The following NCAPG variants were observed in gnomAD, a reference collection of about 807,000 sequenced individuals.
NCAPG encodes the protein condensin complex subunit 3.
NCAPG carries 69 observed loss-of-function variants against 113.1 expected under a neutral mutation model. The ratio of observed to expected loss-of-function variants is 0.61; its 90% confidence interval spans 0.50 to 0.75. NCAPG has a LOEUF of 0.75. Among genes scored for constraint, NCAPG ranks in the 30% least tolerant of loss-of-function variants. The pLI is 0.00. For missense variants in NCAPG, 1,058 were observed against 1,177.0 expected, an observed-to-expected ratio of 0.90 and a Z score of 1.48; for synonymous variants, 370 against 415.8, an observed-to-expected ratio of 0.89 and a Z score of 1.34.
At chr4:17,830,341 C>T (rs1173838596) in intron 12 of NCAPG, among the ~76,000 whole-genome samples, 2 of 150,790 alleles carry the variant, frequency 1.3e-5, no homozygotes, top group Non-Finnish European at 3.0e-5. Flanking sequence ...TGCAGTGAGC[C>T]GAGATTGCGC....
At chr4:17,813,836 A>G (rs1168206983) in intron 3 of NCAPG, among the ~76,000 whole-genome samples, 1 of 152,092 alleles carries the variant, frequency 6.6e-6, no homozygotes, top group East Asian at 1.9e-4. Context: ...TTTTCCATAT[A>G]TGCCTAGGTA....
chr4:17,814,921 C>T lies in NCAPG; in HGVS notation c.613C>T (p.Pro205Ser), dbSNP rs550069958. ...VRRAVLSCIAPSAKTLPKIVG... is the reference protein window; with the variant it reads ...VRRAVLSCIASSAKTLPKIVG... ...ACGGGCAGTGTTATCATGTATTGCA[C>T]CATCAGCAAAGACTTTGCCAAAAAT... The change falls in exon 4 of 21, where the codon CCA becomes TCA. Residue 205 changes from proline (P) to serine (S), a missense_variant. Coordinates refer to ENST00000251496, the MANE Select transcript of NCAPG (RefSeq NM_022346.5). 3 of 1,614,124 alleles carry T rather than the reference C, an allele frequency of 1.9e-6. No homozygotes were observed. Among genetic ancestry groups the T allele is most frequent in the Non-Finnish European group, 2.5e-6 (3 of 1,180,008 alleles).
At chr4:17,830,383 ACT>A (rs1721813661) in intron 12 of NCAPG, among the ~76,000 whole-genome samples, 2 of 151,162 alleles carry the variant, frequency 1.3e-5, no homozygotes, top group African/African-American at 4.9e-5. Context: ...ACAGCGTGAG[ACT>A]CTGTCTCAAA....
At chr4:17,833,639 T>C (rs1721967475) in intron 13 of NCAPG, among the ~76,000 whole-genome samples, 1 of 151,768 alleles carries the variant, frequency 6.6e-6, no homozygotes, top group Non-Finnish European at 1.5e-5. Flanking sequence ...TATATATTTT[T>C]TGTAATATAA....
Position 17,811,086 on chromosome 4 carries a change from G to T in NCAPG, c.9G>T (p.Ala3=). The T allele has an allele frequency of 2.6e-6, 4 of 1,517,590 alleles. No individual in the cohort carries two copies. The highest frequency in any genetic ancestry group is 3.5e-6 in the Non-Finnish European group (4 of 1,131,310). 94.0% of individuals were successfully genotyped at this position (1,517,590 alleles called of 1,614,324 possible). Reference sequence around the variant, plus strand: ...GGCAGGGTTCCAGAGCCATGGGAGCGGAAAGGAGGCTGCTGTCGATTAAGG... The same window carrying T: ...GGCAGGGTTCCAGAGCCATGGGAGCTGAAAGGAGGCTGCTGTCGATTAAGG... MG[A]ERRLLSIKEA... The change falls in exon 1 of 21, where the codon GCG becomes GCT. Residue 3 remains alanine (A), a synonymous_variant. Coordinates refer to ENST00000251496, the MANE Select transcript of NCAPG (RefSeq NM_022346.5). This position sits in a 1 kb window ranked among gnomAD's most constrained non-coding sequence, Gnocchi z 5.3.
At chr4:17,832,848 G>A (rs1721917711) in intron 13 of NCAPG, among the ~76,000 whole-genome samples, 1 of 152,084 alleles carries the variant, frequency 6.6e-6, no homozygotes, top group African/African-American at 2.4e-5. Flanking sequence ...AGCAAGTGAA[G>A]ATAATATTTT....
rs932939269 is a variant in NCAPG at position 17,822,212 on chromosome 4, G to C, written c.1119-771G>C. 3.0e-4 allele frequency among the ~76,000 whole-genome samples: 9 copies of C among 29,582 alleles called. No individual in the cohort carries two copies. The Admixed American group carries it at 3.7e-3, about 12-fold the overall frequency. 19.4% of individuals were successfully genotyped at this position (29,582 alleles called of 152,430 possible). A position where few individuals can be genotyped will look rare whatever the true frequency, so the allele number is the denominator to read the frequency against. Reference sequence around the variant, plus strand: ...AATCTTTTTTTTTTTTTTTTTTTTTGAGATGGAGTTTTTCTCTGTCACCCA... The same window carrying C: ...AATCTTTTTTTTTTTTTTTTTTTTTCAGATGGAGTTTTTCTCTGTCACCCA... On this transcript the variant is annotated intron_variant, in intron 7 of 20. Transcript: ENST00000251496.
intron 6 of NCAPG, 103 bp from the exon 7 acceptor site, chr4:17,817,836 G>A (rs1721277105): frequency 1.8e-6 from 2 of 1,140,598 alleles, no homozygotes; most frequent in Non-Finnish European, 2.4e-6. Context: ...AAAGGATAGT[G>A]TAGTGGTTTT....
rs751927013 is a variant in NCAPG at position 17,840,021 on chromosome 4, G to C, written c.2629-50G>C. ...GATATGTATTGGTACTATTTTCAAAGATTAGGGAATGCGGTGTTTACAAAA... is the reference window on the plus strand; with the variant it reads ...GATATGTATTGGTACTATTTTCAAACATTAGGGAATGCGGTGTTTACAAAA... On this transcript the variant is annotated intron_variant, in intron 17 of 20. Transcript: ENST00000251496. 6.4e-5 allele frequency: 100 copies of C among 1,557,570 alleles called. 1 individual carries two copies. The highest frequency in any genetic ancestry group is 3.4e-4 in the Middle Eastern group (2 of 5,806).
chr4:17,830,929 A>G, intron 12 of NCAPG, 68 bp from the exon 13 acceptor site: 2 of 1,483,114 alleles, frequency 1.3e-6, no homozygotes, highest in Non-Finnish European at 9.2e-7. Context: ...GACACCTTTG[A>G]GGTAATAGAC....
At chr4:17,838,660 T>G (rs970894025) in intron 16 of NCAPG, among the ~76,000 whole-genome samples, 1 of 152,182 alleles carries the variant, frequency 6.6e-6, no homozygotes, top group Non-Finnish European at 1.5e-5. Flanking sequence ...ATTGGGGAAC[T>G]GTAGAAAGAT....
intron 7 of NCAPG, among the ~76,000 whole-genome samples, chr4:17,818,764 C>T (rs998035013): frequency 2.0e-5 from 3 of 151,982 alleles, no homozygotes; most frequent in African/African-American, 7.2e-5. Flanking sequence ...TCAAAATATG[C>T]CTTTTTAAAA....
At chr4:17,824,295 A>AT (rs1464384350) in intron 9 of NCAPG, among the ~76,000 whole-genome samples, 1 of 152,064 alleles carries the variant, frequency 6.6e-6, no homozygotes, top group African/African-American at 2.4e-5. Flanking sequence ...TTTCAGTGTT[A>AT]TTTTTTTCTG....
chr4:17,843,371 AC>A lies in NCAPG; in HGVS notation c.2995del (p.Leu999Ter). On this transcript the variant is annotated frameshift_variant, in exon 21 of 21. Coordinates refer to ENST00000251496, the MANE Select transcript of NCAPG (RefSeq NM_022346.5). LOFTEE classifies it high-confidence loss of function. ...TACCAAGACGAGCCAAAACCGCAGCACTAGAAAAAAGTAAACTTAACCTTGC... is the reference window on the plus strand; with the variant it reads ...TACCAAGACGAGCCAAAACCGCAGCATAGAAAAAAGTAAACTTAACCTTGC... Reference protein sequence around the residue: ...RLPRRAKTAALEKSKLNLAQF... With the variant: ...RLPRRAKTAAXEKSKLNLAQF... 6.2e-7 allele frequency: 1 copy of A among 1,612,210 alleles called. No homozygotes were observed. The highest frequency in any genetic ancestry group is 8.5e-7 in the Non-Finnish European group (1 of 1,178,422).
chr4:17,839,443 A>C (rs932697741), intron 16 of NCAPG, among the ~76,000 whole-genome samples: 1 of 152,134 alleles, frequency 6.6e-6, no homozygotes, highest in Non-Finnish European at 1.5e-5. Flanking sequence ...CTGGGGGATG[A>C]GTGCATCTTT....
intron 12 of NCAPG, 70 bp from the exon 13 acceptor site, chr4:17,830,927 T>G: frequency 1.7e-5 from 25 of 1,478,850 alleles, no homozygotes; most frequent in Non-Finnish European, 2.1e-5. Flanking sequence ...ATGACACCTT[T>G]GAGGTAATAG....
chr4:17,811,619 C>T lies in NCAPG; in HGVS notation c.111+431C>T, dbSNP rs1301730206. Among the ~76,000 whole-genome samples the T allele has an allele frequency of 1.3e-5, 2 of 152,174 alleles. No homozygotes were observed. The highest frequency in any genetic ancestry group is 2.1e-4 in the South Asian group (1 of 4,832). ...GCTCCCCGCCGAACATCAAATGATT[C>T]TACCCTTGTCCTACGGTTACGTTGA... is the stretch of plus-strand genomic sequence containing the variant. On this transcript the variant is annotated intron_variant, in intron 1 of 20. Transcript: ENST00000251496. This position sits in a 1 kb window ranked among gnomAD's most constrained non-coding sequence, Gnocchi z 5.3.
At chr4:17,837,363 C>A (rs1397681083) in intron 15 of NCAPG, 23 bp downstream of exon 15, 5 of 1,576,156 alleles carry the variant, frequency 3.2e-6, no homozygotes, top group South Asian at 2.3e-5. Flanking sequence ...ACTGATAAAT[C>A]AAAAATCTGA....
At chr4:17,841,504 G>A (rs1169284621) in intron 19 of NCAPG, 1 of 151,924 alleles carries the variant, frequency 6.6e-6, no homozygotes, top group Non-Finnish European at 1.5e-5. Flanking sequence ...AAATGCATTA[G>A]TAAAAGCAGG....
Sources: gnomAD v4.1 joint callset for allele counts (sites outside exome capture counted in the v4.1 genomes callset) on GRCh38, gnomAD v4.1.1 for gene constraint, Gnocchi (gnomAD v3.1) non-coding constraint, MANE v1.5 for transcripts, NCBI Gene and HGNC (gene_info 2026-07-23, HGNC 2026-07-21) for gene names.